The following SMYD2 variants were observed in gnomAD, a reference collection of about 807,000 sequenced individuals.
The protein encoded by SMYD2 is SET and MYND domain containing 2, also known as N-lysine methyltransferase SMYD2.
SMYD2 carries 53 observed loss-of-function variants against 59.1 expected under a neutral mutation model. The ratio of observed to expected loss-of-function variants is 0.90; its 90% confidence interval spans 0.72 to 1.13. The LOEUF (loss-of-function observed/expected upper bound fraction) is 1.13. Ranked by LOEUF, SMYD2 falls within the 50% of genes most tolerant of loss-of-function variation. The probability of loss-of-function intolerance (pLI) is 0.00; values close to 1 mark genes in which losing one functional copy is unlikely to be tolerated. For missense variants in SMYD2, 494 were observed against 544.7 expected, an observed-to-expected ratio of 0.91 and a Z score of 0.93; for synonymous variants, 208 against 198.8, an observed-to-expected ratio of 1.05 and a Z score of -0.39.
chr1:214,336,826 GAA>G lies in SMYD2; in HGVS notation c.*44_*45del. On this transcript the variant is annotated 3_prime_UTR_variant, in exon 12 of 12. Transcript: ENST00000366957. ...AGTTTTCATTTAAACACTTAGTTCA[GAA>G]ACCTTAAAGGATTTGAATATTTCAA... 6.5e-7 allele frequency: 1 copy of G among 1,544,484 alleles called. No individual in the cohort carries two copies. Among genetic ancestry groups the G allele is most frequent in the Admixed American group, 1.7e-5 (1 of 58,098 alleles).
intron 1 of SMYD2, among the ~76,000 whole-genome samples, chr1:214,288,461 C>T (rs1022722500): frequency 6.6e-6 from 1 of 152,130 alleles, no homozygotes; most frequent in Non-Finnish European, 1.5e-5. Flanking sequence ...CTTCCTGTGC[C>T]CCCCTTTGGC....
rs751122379 is a variant in SMYD2, at chr1:214,332,152, G to A, written c.1072G>A (p.Gly358Arg). The change falls in exon 10 of 12, where the codon GGA becomes AGA. Residue 358 changes from glycine to arginine, a missense_variant. Physicochemically the swap from Gly to Arg is moderately radical, Grantham distance 125 (BLOSUM62 -2). Coordinates refer to ENST00000366957, the MANE Select transcript of SMYD2 (RefSeq NM_020197.3). Reference sequence around the variant, plus strand: ...CTGCTTGTACATGCAGGACTGGGAAGGAGCCCTGCAATATGGACAGAAAAT... The same window carrying A: ...CTGCTTGTACATGCAGGACTGGGAAAGAGCCCTGCAATATGGACAGAAAAT... Reference protein sequence around the residue: ...GVCLYMQDWEGALQYGQKIIK... With the variant: ...GVCLYMQDWERALQYGQKIIK... 14 of 1,614,206 alleles carry A rather than the reference G, an allele frequency of 8.7e-6. No individual in the cohort carries two copies. In the Admixed American group the frequency reaches 1.2e-4, roughly 13 times the overall value.
intron 5 of SMYD2, 27 bp from the exon 6 acceptor site, chr1:214,324,614 T>C (rs767534285): frequency 6.3e-7 from 1 of 1,584,434 alleles, no homozygotes; most frequent in Non-Finnish European, 8.6e-7. Flanking sequence ...GCTCATTTTT[T>C]TCCTTTCTCC....
intron 1 of SMYD2, among the ~76,000 whole-genome samples, chr1:214,304,909 CCAGT>C (rs143253244): frequency 0.011 from 1,600 of 152,296 alleles, 33 homozygotes; most frequent in African/African-American, 0.036. Context: ...GGCCAGGTCA[CCAGT>C]CAGTCAGAGC....
At chr1:214,317,979 T>G in intron 3 of SMYD2, 100 bp from the exon 4 acceptor site, 2 of 1,111,464 alleles carry the variant, frequency 1.8e-6, no homozygotes, top group Non-Finnish European at 2.7e-6. Flanking sequence ...CCTTAAGAAT[T>G]GTTACTTTTT....
intron 3 of SMYD2, among the ~76,000 whole-genome samples, chr1:214,316,855 T>C (rs1657093765): frequency 6.6e-6 from 1 of 152,198 alleles, no homozygotes; most frequent in Admixed American, 6.6e-5. Context: ...ACAGTTATTT[T>C]TAAATTTATG....
chr1:214,326,823 C>T (rs9308435), intron 6 of SMYD2, among the ~76,000 whole-genome samples: 44,160 of 151,960 alleles, frequency 0.29, 6,745 homozygotes, highest in Non-Finnish European at 0.34. Context: ...TGTGAGTGCC[C>T]GTAGGAGCAT....
chr1:214,327,584 C>T (rs1657283015), intron 6 of SMYD2, 38 bp from the exon 7 acceptor site: 1 of 1,552,092 alleles, frequency 6.4e-7, no homozygotes, highest in Non-Finnish European at 8.9e-7. Flanking sequence ...GTCTGCCTAT[C>T]TCATTTTAAA....
chr1:214,325,868 C>T (rs1430329561), intron 6 of SMYD2, among the ~76,000 whole-genome samples: 1 of 149,404 alleles, frequency 6.7e-6, no homozygotes. Context: ...TGTATTGACA[C>T]CTTTATAACT....
rs979097281 is a variant in SMYD2, at chr1:214,314,707, A to T, written c.238-55A>T. On this transcript the variant is annotated intron_variant, in intron 2 of 11. Transcript: ENST00000366957. The stretch of plus-strand genomic sequence containing the variant: ...GACTCACTGCATCCTCTCCTCTCAC[A>T]CTTTATTCCAGTGTATGTGCTATTT... 14 of 1,372,554 alleles carry T rather than the reference A, an allele frequency of 1.0e-5. No individual in the cohort carries two copies. In the African/African-American group the frequency reaches 1.4e-4, roughly 14 times the overall value. The allele number at this position is 1,372,554 out of a possible 1,614,324, so 85.0% of individuals were successfully genotyped here. A position where few individuals can be genotyped will look rare whatever the true frequency, so the allele number is the denominator to read the frequency against.
intron 1 of SMYD2, among the ~76,000 whole-genome samples, chr1:214,303,732 G>C: frequency 6.6e-6 from 1 of 152,220 alleles, no homozygotes; most frequent in Non-Finnish European, 1.5e-5. Flanking sequence ...AGAAGCCGCG[G>C]AGGATTCTGC....
rs1181880752 is a variant in SMYD2 at position 214,298,638 on chromosome 1, T to C, written c.174-6549T>C. 2.0e-5 allele frequency among the ~76,000 whole-genome samples: 3 copies of C among 152,218 alleles called. No homozygotes were observed. The East Asian group carries it at 5.8e-4, about 29-fold the overall frequency. On this transcript the variant is annotated intron_variant, in intron 1 of 11. Coordinates refer to ENST00000366957, the MANE Select transcript of SMYD2 (RefSeq NM_020197.3). Reference sequence around the variant, plus strand: ...AGAGTAGAAGAAAATATTCACAAACTGTGCATCTGACAAAGGTCTAATATC... The same window carrying C: ...AGAGTAGAAGAAAATATTCACAAACCGTGCATCTGACAAAGGTCTAATATC...
intron 6 of SMYD2, among the ~76,000 whole-genome samples, chr1:214,326,449 A>G (rs1558056982): frequency 6.6e-6 from 1 of 152,072 alleles, no homozygotes; most frequent in African/African-American, 2.4e-5. Context: ...TTTTAATACA[A>G]CTACCCTTCG....
At chr1:214,317,017 T>C (rs1657097014) in intron 3 of SMYD2, among the ~76,000 whole-genome samples, 1 of 152,146 alleles carries the variant, frequency 6.6e-6, no homozygotes, top group Non-Finnish European at 1.5e-5. Context: ...GAATTATTGA[T>C]GATATTTATA....
chr1:214,308,554 CA>C (rs1170881957), intron 2 of SMYD2, among the ~76,000 whole-genome samples: 2 of 152,070 alleles, frequency 1.3e-5, no homozygotes, highest in Non-Finnish European at 2.9e-5. Context: ...TAAAACGTGG[CA>C]CAAAACAAGA....
intron 1 of SMYD2, among the ~76,000 whole-genome samples, chr1:214,297,062 A>G (rs1417043789): frequency 1.3e-5 from 2 of 152,222 alleles, no homozygotes; most frequent in Non-Finnish European, 2.9e-5. Context: ...TCAACTGTAT[A>G]CAGCAATTTC....
intron 1 of SMYD2, among the ~76,000 whole-genome samples, chr1:214,303,641 T>A (rs1340289314): frequency 1.3e-5 from 2 of 152,244 alleles, no homozygotes; most frequent in East Asian, 3.8e-4. Context: ...TGCAAGGCAG[T>A]CTGTTTAGTT....
At chr1:214,304,300 TATA>T (rs1656879932) in intron 1 of SMYD2, among the ~76,000 whole-genome samples, 1 of 152,148 alleles carries the variant, frequency 6.6e-6, no homozygotes, top group Admixed American at 6.5e-5. Flanking sequence ...GGCTCATGCC[TATA>T]ATACCAGCAC....
rs1393621035 is a variant in SMYD2, at chr1:214,318,762, G to A, written c.410-97G>A. 2.9e-5 allele frequency: 36 copies of A among 1,252,596 alleles called. No homozygotes were observed. Among genetic ancestry groups the A allele is most frequent in the Admixed American group, 2.1e-4 (8 of 37,794 alleles). 77.6% of individuals were successfully genotyped at this position (1,252,596 alleles called of 1,614,324 possible). Reference sequence around the variant, plus strand: ...GTTAGTTTTGGGTTTTTTTTTTTTCGCCCGTTCCTTTCCTCTGTATCATTT... The same window carrying A: ...GTTAGTTTTGGGTTTTTTTTTTTTCACCCGTTCCTTTCCTCTGTATCATTT... On this transcript the variant is annotated intron_variant, in intron 4 of 11. Transcript: ENST00000366957. The surrounding 1 kb of genome is among the most constrained non-coding windows in gnomAD (Gnocchi z 5.4).
Sources: allele counts gnomAD v4.1 joint callset (sites outside exome capture counted in the v4.1 genomes callset), GRCh38; gene constraint gnomAD v4.1.1; non-coding constraint Gnocchi (gnomAD v3.1); transcripts MANE v1.5; gene names NCBI Gene and HGNC (gene_info 2026-07-23, HGNC 2026-07-21).